C8G: variants seen among roughly 807,000 people sequenced by gnomAD.
The protein encoded by C8G is complement C8 gamma chain.
C8G carries 38 observed loss-of-function variants against 29.1 expected under a neutral mutation model. The ratio of observed to expected loss-of-function variants is 1.31; its 90% confidence interval spans 1.01 to 1.71. The LOEUF (loss-of-function observed/expected upper bound fraction) is 1.71. C8G is among the 40% of genes most tolerant of loss of function. The probability of loss-of-function intolerance (pLI) is 0.00; values close to 1 mark genes in which losing one functional copy is unlikely to be tolerated. For synonymous variants in C8G, 158 were observed against 113.2 expected (o/e 1.40, Z -2.51); for missense variants, 300 against 267.4 (o/e 1.12, Z -0.85).
rs763246552 is a variant in C8G, at chr9:136,945,968, C to T, written c.315C>T (p.Asp105=). ...ICWQVRQLYG[D]TGVLGRFLLQ... ...GGCAGGTGCGCCAGCTCTATGGAGA[C>T]ACAGGGGTCCTCGGCCGCTTCCTGC... Residue 105 remains aspartate, a synonymous_variant, in exon 3 of 7, where the codon GAC becomes GAT. Transcript: ENST00000371634. The T allele has an allele frequency of 2.5e-6, 4 of 1,574,110 alleles. No homozygotes were observed. The highest frequency in any genetic ancestry group is 2.3e-5 in the East Asian group (1 of 42,724).
rs773344575 is a variant in C8G, at chr9:136,946,646, C to A, written c.557-5C>A. ...TCCAGCCTGACCCCTGCCTTGGGCCCCCAGGCTTCTGCGAGGCTGCAGACC... is the reference window on the plus strand; with the variant it reads ...TCCAGCCTGACCCCTGCCTTGGGCCACCAGGCTTCTGCGAGGCTGCAGACC... On this transcript the variant is annotated splice_region_variant and splice_polypyrimidine_tract_variant and intron_variant, in intron 5 of 6. Coordinates refer to ENST00000371634, the MANE Select transcript of C8G (RefSeq NM_000606.3). The A allele has an allele frequency of 5.0e-6, 8 of 1,613,236 alleles. No homozygotes were observed. The highest frequency in any genetic ancestry group is 6.8e-6 in the Non-Finnish European group (8 of 1,179,960).
At position 136,946,772 on chromosome 9, in the gene C8G, G is replaced by A. The variant is rs545894807; in HGVS notation, c.600G>A (p.Val200=). 2.8e-5 allele frequency: 44 copies of A among 1,595,026 alleles called. No individual in the cohort carries two copies. Among genetic ancestry groups the A allele is most frequent in the Non-Finnish European group, 3.2e-5 (37 of 1,174,488 alleles). ...TGAGTCTCGTCTCTGCTGCAGAAGTGAGGAGGTGAGGCCGGCACACAGCTC... is the reference window on the plus strand; with the variant it reads ...TGAGTCTCGTCTCTGCTGCAGAAGTAAGGAGGTGAGGCCGGCACACAGCTC... ...AADQFHVLDE[V]RR is the part of the protein sequence containing the mutation. Residue 200 remains valine, a synonymous_variant, in exon 7 of 7, where the codon GTG becomes GTA. Transcript: ENST00000371634.
chr9:136,945,954 C>A lies in C8G; in HGVS notation c.301C>A (p.Gln101Lys). ...KLDGICWQVR[Q>K]LYGDTGVLGR... The stretch of plus-strand genomic sequence containing the variant: ...GGATGGGATCTGCTGGCAGGTGCGC[C>A]AGCTCTATGGAGACACAGGGGTCCT... Residue 101 changes from glutamine (Q) to lysine (K), a missense_variant, in exon 3 of 7, where the codon CAG (glutamine) becomes AAG (lysine). Gln to Lys is a moderately conservative substitution (Grantham distance 53). Transcript: ENST00000371634. The A allele has an allele frequency of 6.4e-7, 1 of 1,568,590 alleles. No homozygotes were observed. Among genetic ancestry groups the A allele is most frequent in the East Asian group, 2.4e-5 (1 of 42,280 alleles).
At chr9:136,945,488 GGTAGAA>G in intron 1 of C8G, 30 bp downstream of exon 1, 2 of 1,555,138 alleles carry the variant, frequency 1.3e-6, no homozygotes, top group Non-Finnish European at 1.7e-6. Context: ...GAGGGAGGCA[GGTAGAA>G]GTTGTGGGAG....
intron 4 of C8G, 119 bp from the exon 5 acceptor site, chr9:136,946,346 C>G (rs781470223): frequency 7.7e-6 from 11 of 1,422,632 alleles, no homozygotes; most frequent in Non-Finnish European, 1.9e-6. Context: ...TAGTGACAGA[C>G]AGGCCTGGTG....
intron 4 of C8G, 82 bp from the exon 5 acceptor site, chr9:136,946,383 G>T: frequency 6.7e-7 from 1 of 1,483,930 alleles, no homozygotes; most frequent in Non-Finnish European, 9.0e-7. Flanking sequence ...GCCCCGAGGG[G>T]GCAGGGGACA....
chr9:136,946,076 C>T lies in C8G; in HGVS notation c.347-9C>T, dbSNP rs1851027737. On this transcript the variant is annotated splice_polypyrimidine_tract_variant and intron_variant, in intron 3 of 6. Transcript: ENST00000371634. ...GCTCTCTGACATGGCTACTGTGGCT[C>T]TGCCCCAGCCCGAGACGCCCGAGGG... is the stretch of plus-strand genomic sequence containing the variant. 1 of 1,605,754 alleles carries T rather than the reference C, an allele frequency of 6.2e-7. No individual in the cohort carries two copies.
Position 136,945,969 on chromosome 9 carries a change from A to G in C8G, c.316A>G (p.Thr106Ala). 6.4e-7 allele frequency: 1 copy of G among 1,574,684 alleles called. No homozygotes were observed. The highest frequency in any genetic ancestry group is 1.3e-5 in the African/African-American group (1 of 74,228). ...CWQVRQLYGD[T>A]GVLGRFLLQA... Reference sequence around the variant, plus strand: ...GCAGGTGCGCCAGCTCTATGGAGACACAGGGGTCCTCGGCCGCTTCCTGCT... The same window carrying G: ...GCAGGTGCGCCAGCTCTATGGAGACGCAGGGGTCCTCGGCCGCTTCCTGCT... The change falls in exon 3 of 7, where the codon ACA (threonine) becomes GCA (alanine). Residue 106 changes from threonine to alanine, a missense_variant. Physicochemically the swap from Thr to Ala is moderately conservative, Grantham distance 58 (BLOSUM62 0). Coordinates refer to ENST00000371634, the MANE Select transcript of C8G (RefSeq NM_000606.3).
intron 1 of C8G, 72 bp from the exon 2 acceptor site, chr9:136,945,559 TGTG>T (rs1851006680): frequency 1.1e-5 from 17 of 1,550,040 alleles, no homozygotes; most frequent in Admixed American, 3.6e-5. Context: ...CAGGTGAAGT[TGTG>T]GGGGGTGTAG....
rs1851020281 is a variant in C8G, at chr9:136,945,916, C to T, written c.276-13C>T. The T allele has an allele frequency of 5.8e-6, 9 of 1,554,650 alleles. 1 individual carries two copies. The highest frequency in any genetic ancestry group is 7.8e-6 in the Non-Finnish European group (9 of 1,149,584). On this transcript the variant is annotated splice_polypyrimidine_tract_variant and intron_variant, in intron 2 of 6. Transcript: ENST00000371634. Reference sequence around the variant, plus strand: ...GTCTCCCAGCCTGTGGTGCCTCCTCCCCGCCCCCCCAGGGATGGGATCTGC... The same window carrying T: ...GTCTCCCAGCCTGTGGTGCCTCCTCTCCGCCCCCCCAGGGATGGGATCTGC...
At chr9:136,946,746 C>T in intron 6 of C8G, 22 bp from the exon 7 acceptor site, 1 of 1,607,214 alleles carries the variant, frequency 6.2e-7, no homozygotes, top group Non-Finnish European at 8.5e-7. Context: ...CTGCCACCGG[C>T]TGAGTCTCGT....
At chr9:136,946,247 C>A in intron 4 of C8G, 55 bp downstream of exon 4, 1 of 1,460,698 alleles carries the variant, frequency 6.8e-7, no homozygotes, top group South Asian at 1.3e-5. Flanking sequence ...TGCACACTCA[C>A]TGGGCCACCC....
rs752265163 is a variant in C8G, at chr9:136,945,290, C to T, written c.-31C>T. The T allele has an allele frequency of 6.4e-7, 1 of 1,572,330 alleles. No homozygotes were observed. Among genetic ancestry groups the T allele is most frequent in the Non-Finnish European group, 8.7e-7 (1 of 1,155,648 alleles). The stretch of plus-strand genomic sequence containing the variant: ...GACTTGGTGGTGCTACCCTTGGCCT[C>T]CCACAGTCCTGCCACCCTGCTGCCG... On this transcript the variant is annotated 5_prime_UTR_variant, in exon 1 of 7. Transcript: ENST00000371634.
At chr9:136,946,602 C>T in intron 5 of C8G, 36 bp downstream of exon 5, 1 of 1,612,768 alleles carries the variant, frequency 6.2e-7, no homozygotes, top group Non-Finnish European at 8.5e-7. Flanking sequence ...CTCAGCCACC[C>T]CCACTCTCTG....
intron 4 of C8G, 75 bp downstream of exon 4, chr9:136,946,267 G>C: frequency 7.1e-7 from 1 of 1,409,076 alleles, no homozygotes; most frequent in Non-Finnish European, 9.7e-7. Context: ...CCGAGGGGCT[G>C]GGTGAGCCCA....
At chr9:136,945,601 G>C (rs367739033) in intron 1 of C8G, 33 bp from the exon 2 acceptor site, 2 of 1,599,870 alleles carry the variant, frequency 1.3e-6, no homozygotes, top group African/African-American at 2.7e-5. Context: ...CCCTCCCACA[G>C]TGCCCTCGAG....
At chr9:136,946,260 A>AGGGGCT in intron 4 of C8G, 68 bp downstream of exon 4, 1 of 1,434,796 alleles carries the variant, frequency 7.0e-7, no homozygotes, top group South Asian at 1.3e-5. Flanking sequence ...GGCCACCCCG[A>AGGGGCT]GGGGCTGGGT....
At position 136,945,651 on chromosome 9, in the gene C8G, C is replaced by G. The variant is rs538953917; in HGVS notation, c.156C>G (p.Leu52=). Residue 52 remains leucine, a synonymous_variant, in exon 2 of 7, where the codon CTC becomes CTG. Transcript: ENST00000371634. Reference sequence around the variant, plus strand: ...GCCCCCAGTTTGCAGGGACCTGGCTCCTTGTGGCTGTGGGCTCCGCTTGCC... The same window carrying G: ...GCCCCCAGTTTGCAGGGACCTGGCTGCTTGTGGCTGTGGGCTCCGCTTGCC... ...FDAQQFAGTW[L]LVAVGSACRF... 5.6e-6 allele frequency: 9 copies of G among 1,610,120 alleles called. No individual in the cohort carries two copies. The South Asian group carries it at 9.9e-5, about 18-fold the overall frequency.
chr9:136,945,565 G>A (rs1851007143), intron 1 of C8G, 69 bp from the exon 2 acceptor site: 3 of 1,569,680 alleles, frequency 1.9e-6, no homozygotes, highest in Non-Finnish European at 2.6e-6. Context: ...AAGTTGTGGG[G>A]GGTGTAGAGG....
Sources: gnomAD v4.1 joint callset for allele counts on GRCh38, gnomAD v4.1.1 for gene constraint, MANE v1.5 for transcripts, NCBI Gene and HGNC (gene_info 2026-07-23, HGNC 2026-07-21) for gene names.